The following DPYD variants were observed in gnomAD, a reference collection of about 807,000 sequenced individuals.
DPYD encodes dihydropyrimidine dehydrogenase [NADP(+)].
A neutral mutation model predicts 116.2 loss-of-function variants in DPYD; 109 were observed. The ratio of observed to expected loss-of-function variants is 0.94; its 90% CI spans 0.80 to 1.10. DPYD has a LOEUF of 1.10. Ranked by LOEUF, DPYD falls within the 50% of genes least tolerant of loss-of-function variation. The pLI, the probability that DPYD is intolerant of heterozygous loss-of-function variation, is 0.00. For synonymous variants in DPYD, 440 were observed against 432.0 expected, an observed-to-expected ratio of 1.02 and a Z score of -0.23; for missense variants, 1,302 against 1,254.5, an observed-to-expected ratio of 1.04 and a Z score of -0.57.
chr1:97,429,031 G>A (rs2101723218), intron 14 of DPYD, among the ~76,000 whole-genome samples: 1 of 152,132 alleles, frequency 6.6e-6, no homozygotes, highest in East Asian at 1.9e-4. Context: ...TAGTAAAATA[G>A]TGTGGGCATT....
intron 12 of DPYD, among the ~76,000 whole-genome samples, chr1:97,547,468 C>G (rs903666070): frequency 6.6e-6 from 1 of 152,124 alleles, no homozygotes; most frequent in East Asian, 1.9e-4. Context: ...CAACTTGTCT[C>G]CTTTGGGTTT....
At chr1:97,149,690 AATT>A (rs1334045168) in intron 20 of DPYD, among the ~76,000 whole-genome samples, 3 of 152,176 alleles carry the variant, frequency 2.0e-5, no homozygotes, top group African/African-American at 7.2e-5. Flanking sequence ...CCAGTTTAAA[AATT>A]ATTATGAATT....
intron 18 of DPYD, among the ~76,000 whole-genome samples, chr1:97,255,254 C>G (rs1449494594): frequency 6.6e-6 from 1 of 152,164 alleles, no homozygotes; most frequent in African/African-American, 2.4e-5. Flanking sequence ...ACTTATACAG[C>G]ACTTCCTATA....
chr1:97,672,151 A>T (rs1306248773), intron 8 of DPYD, among the ~76,000 whole-genome samples: 2 of 151,912 alleles, frequency 1.3e-5, no homozygotes, highest in African/African-American at 2.4e-5. Flanking sequence ...CTATCTTACG[A>T]CCTGGGCTCA....
At chr1:97,281,091 T>A (rs1220151856) in intron 18 of DPYD, among the ~76,000 whole-genome samples, 1 of 151,596 alleles carries the variant, frequency 6.6e-6, no homozygotes, top group Non-Finnish European at 1.5e-5. Context: ...AATATAATGA[T>A]CAATAAAAAA....
chr1:97,764,787 T>A (rs995711850), intron 3 of DPYD, among the ~76,000 whole-genome samples: 6 of 152,108 alleles, frequency 3.9e-5, no homozygotes, highest in Non-Finnish European at 8.8e-5. Flanking sequence ...TACGTACTTC[T>A]CCCTGTAGAC....
intron 20 of DPYD, among the ~76,000 whole-genome samples, chr1:97,143,029 T>C (rs1411866249): frequency 6.6e-6 from 1 of 152,018 alleles, no homozygotes. Flanking sequence ...TGTCTGGTAA[T>C]ATATGGGTAT....
At position 97,784,328 on chromosome 1, in the gene DPYD, C is replaced by G. The variant is rs568325778; in HGVS notation, c.233+43786G>C. ...AAAACCAATTTCTCAGCGCTTTATA[C>G]CAACAGTTGAGAGTGTAGGTATCTA... On this transcript the variant is annotated intron_variant, in intron 3 of 22. Transcript: ENST00000370192. Among the ~76,000 whole-genome samples, 7 of 152,062 alleles carry G rather than the reference C, an allele frequency of 4.6e-5. No homozygotes were observed. The South Asian group carries it at 1.5e-3, about 32-fold the overall frequency.
At chr1:97,340,644 C>A (rs1558041467) in intron 16 of DPYD, among the ~76,000 whole-genome samples, 1 of 151,946 alleles carries the variant, frequency 6.6e-6, no homozygotes. Context: ...CCACTGCACT[C>A]CAGCTTGAGC....
At chr1:97,635,432 T>A (rs1657504386) in intron 8 of DPYD, among the ~76,000 whole-genome samples, 1 of 152,164 alleles carries the variant, frequency 6.6e-6, no homozygotes, top group African/African-American at 2.4e-5. Context: ...TACTGCCTAC[T>A]TCTCCCTCAG....
chr1:97,822,345 A>G, intron 3 of DPYD, among the ~76,000 whole-genome samples: 1 of 148,100 alleles, frequency 6.8e-6, no homozygotes, highest in East Asian at 1.9e-4. Context: ...GATTTTATAT[A>G]CTTTATAAAT....
At chr1:97,546,633 G>A in intron 12 of DPYD, 1 of 1,612,708 alleles carries the variant, frequency 6.2e-7, no homozygotes, top group East Asian at 2.2e-5. Context: ...AAGAATGGTG[G>A]TGGCTTTACA....
At chr1:97,195,519 GGAGAGAGAGAGAGAGAGA>G (rs3050245) in intron 19 of DPYD, among the ~76,000 whole-genome samples, 4 of 75,024 alleles carry the variant, frequency 5.3e-5, no homozygotes, top group South Asian at 5.5e-4. Flanking sequence ...AATGGGATAA[GGAGAGAGAGAGAGAGAGA>G]GAGAGAGAGA....
chr1:97,555,103 T>C (rs1397123624), intron 11 of DPYD, among the ~76,000 whole-genome samples: 1 of 152,196 alleles, frequency 6.6e-6, no homozygotes, highest in African/African-American at 2.4e-5. Context: ...TCTGTGACCT[T>C]AGTCTTCAGC....
intron 2 of DPYD, among the ~76,000 whole-genome samples, chr1:97,843,933 CTA>C (rs1469276926): frequency 2.6e-5 from 4 of 151,960 alleles, no homozygotes; most frequent in Non-Finnish European, 5.9e-5. Context: ...ACATTTAACA[CTA>C]TGTGATAACC....
chr1:97,875,779 TTAA>T (rs1240541849), intron 2 of DPYD, among the ~76,000 whole-genome samples: 1 of 152,000 alleles, frequency 6.6e-6, no homozygotes, highest in Non-Finnish European at 1.5e-5. Context: ...AATTTACACA[TTAA>T]TAATATCTAA....
chr1:97,318,459 C>G (rs1668005433), intron 16 of DPYD, among the ~76,000 whole-genome samples: 1 of 151,354 alleles, frequency 6.6e-6, no homozygotes, highest in African/African-American at 2.4e-5. Flanking sequence ...GATTGTAAAC[C>G]AACAAAGATC....
At chr1:97,898,220 A>C (rs1673180297) in intron 1 of DPYD, among the ~76,000 whole-genome samples, 2 of 151,230 alleles carry the variant, frequency 1.3e-5, no homozygotes, top group Admixed American at 1.3e-4. Flanking sequence ...TTACGCAGCC[A>C]TGGGTCATTT....
intron 16 of DPYD, among the ~76,000 whole-genome samples, chr1:97,366,676 A>T: frequency 6.6e-6 from 1 of 152,170 alleles, no homozygotes; most frequent in East Asian, 1.9e-4. Context: ...CATAGCTCAT[A>T]GAGGCTTAAG....
Sources: allele counts gnomAD v4.1 joint callset (sites outside exome capture counted in the v4.1 genomes callset), GRCh38; gene constraint gnomAD v4.1.1; transcripts MANE v1.5; gene names NCBI Gene and HGNC (gene_info 2026-07-23, HGNC 2026-07-21).